GRM7: variants seen among roughly 807,000 people sequenced by gnomAD.
GRM7 encodes the protein glutamate metabotropic receptor 7, also known as metabotropic glutamate receptor 7.
In GRM7, 35 loss-of-function variants were observed where a neutral mutation model predicts 84.5. The ratio of observed to expected loss-of-function variants is 0.41; its 90% confidence interval spans 0.32 to 0.55. The LOEUF (loss-of-function observed/expected upper bound fraction) is 0.55, where lower values mean the gene tolerates loss of function less well. Among genes scored for constraint, GRM7 ranks in the 20% least tolerant of loss-of-function variants. The probability of loss-of-function intolerance (pLI) is 0.19; values close to 1 mark genes in which losing one functional copy is unlikely to be tolerated. For missense variants in GRM7, 1,003 were observed against 1,194.6 expected, an observed-to-expected ratio of 0.84 and a Z score of 2.36; for synonymous variants, 487 against 455.1, an observed-to-expected ratio of 1.07 and a Z score of -0.89.
intron 8 of GRM7, among the ~76,000 whole-genome samples, chr3:7,618,731 A>G: frequency 6.6e-6 from 1 of 152,096 alleles, no homozygotes; most frequent in South Asian, 2.1e-4. Context: ...CTGTCAAGCA[A>G]TTGCTCAATC....
At chr3:7,480,919 C>T (rs1699103760) in intron 7 of GRM7, among the ~76,000 whole-genome samples, 3 of 152,008 alleles carry the variant, frequency 2.0e-5, no homozygotes, top group African/African-American at 4.8e-5. Context: ...CATGGAAAAA[C>T]AAAATATATT....
chr3:7,183,049 A>G (rs1302168555), intron 2 of GRM7, among the ~76,000 whole-genome samples: 4 of 152,138 alleles, frequency 2.6e-5, no homozygotes, highest in Non-Finnish European at 2.9e-5. Context: ...CTGGGCATCA[A>G]AATGAATTAT....
intron 1 of GRM7, among the ~76,000 whole-genome samples, chr3:7,057,733 A>G (rs918562278): frequency 7.2e-5 from 11 of 151,948 alleles, no homozygotes; most frequent in Admixed American, 1.3e-4. Context: ...TGGAGGCTCA[A>G]TGTTTTAGGA....
chr3:7,685,379 G>A (rs1233115175), intron 9 of GRM7, among the ~76,000 whole-genome samples: 5 of 152,084 alleles, frequency 3.3e-5, no homozygotes, highest in Admixed American at 1.3e-4. Context: ...CCCGCAAGCC[G>A]TGCAGAGAAA....
chr3:7,556,491 T>C (rs1160861400), intron 7 of GRM7, among the ~76,000 whole-genome samples: 3 of 152,192 alleles, frequency 2.0e-5, no homozygotes, highest in Non-Finnish European at 4.4e-5. Flanking sequence ...CTATGCTACC[T>C]GCTATGAGGG....
intron 1 of GRM7, among the ~76,000 whole-genome samples, chr3:6,877,175 G>A (rs1695339068): frequency 6.6e-6 from 1 of 152,166 alleles, no homozygotes; most frequent in South Asian, 2.1e-4. Flanking sequence ...CATCATGTTA[G>A]TGAGCTTCTC....
At chr3:7,544,405 C>T (rs565696769) in intron 7 of GRM7, among the ~76,000 whole-genome samples, 1 of 152,242 alleles carries the variant, frequency 6.6e-6, no homozygotes, top group African/African-American at 2.4e-5. Context: ...ATCCTCCCTC[C>T]TCAGCCTCGC....
At chr3:6,872,597 T>A (rs1002428776) in intron 1 of GRM7, among the ~76,000 whole-genome samples, 1 of 152,168 alleles carries the variant, frequency 6.6e-6, no homozygotes, top group Non-Finnish European at 1.5e-5. Context: ...TTTCTCCTAA[T>A]GCTATCCCTC....
chr3:7,692,952 G>A (rs911155900), intron 9 of GRM7, among the ~76,000 whole-genome samples: 1 of 151,864 alleles, frequency 6.6e-6, no homozygotes, highest in African/African-American at 2.4e-5. Context: ...GGCCACTGTG[G>A]AGTGAGATGC....
chr3:7,537,551 C>T (rs1475867581), intron 7 of GRM7, among the ~76,000 whole-genome samples: 2 of 152,188 alleles, frequency 1.3e-5, no homozygotes, highest in Non-Finnish European at 2.9e-5. Flanking sequence ...ACTACTATCC[C>T]AGTCTCAATG....
At position 6,928,667 on chromosome 3, in the gene GRM7, A is replaced by C. The variant is rs1215288862; in HGVS notation, c.519+66760A>C. Among the ~76,000 whole-genome samples the C allele has an allele frequency of 6.6e-6, 1 of 152,190 alleles. No individual in the cohort carries two copies. The highest frequency in any genetic ancestry group is 6.5e-5 in the Admixed American group (1 of 15,278). On this transcript the variant is annotated intron_variant, in intron 1 of 9. Coordinates refer to ENST00000357716, the MANE Select transcript of GRM7 (RefSeq NM_000844.4). This position sits in a 1 kb window ranked among gnomAD's most constrained non-coding sequence, Gnocchi z 4.5. ...CAAACAACTTGATAGAATCAATAGA[A>C]GCTTAGTTAAGCAGGTGATAATCTT...
At chr3:6,981,146 G>A (rs1694182973) in intron 1 of GRM7, among the ~76,000 whole-genome samples, 1 of 152,114 alleles carries the variant, frequency 6.6e-6, no homozygotes, top group African/African-American at 2.4e-5. Flanking sequence ...AACCCTGAAG[G>A]ATATTGAGAC....
In GRM7 at chr3:7,285,291, G is replaced by A. The variant is rs190849851; in HGVS notation, c.737-13393G>A. 9.8e-3 allele frequency among the ~76,000 whole-genome samples: 1,490 copies of A among 152,256 alleles called. 11 individuals carry two copies. Among genetic ancestry groups the A allele is most frequent in the African/African-American group, 0.034 (1,417 of 41,538 alleles). On this transcript the variant is annotated intron_variant, in intron 2 of 9. Transcript: ENST00000357716. Reference sequence around the variant, plus strand: ...TTTAGAATTATTATTATATGATTAAGATAAAAGGCAGATGGCTTTTAGTTA... The same window carrying A: ...TTTAGAATTATTATTATATGATTAAAATAAAAGGCAGATGGCTTTTAGTTA...
chr3:6,892,723 G>A (rs918404159), intron 1 of GRM7: 2 of 152,224 alleles, frequency 1.3e-5, no homozygotes, highest in South Asian at 2.1e-4. Context: ...AGACACCTGA[G>A]GGGTAAACTC....
intron 1 of GRM7, among the ~76,000 whole-genome samples, chr3:6,897,235 C>A (rs987384480): frequency 2.0e-5 from 3 of 152,306 alleles, no homozygotes; most frequent in Admixed American, 6.5e-5. Context: ...GGAAGCAGTA[C>A]TGCTTGTCCT....
intron 9 of GRM7, among the ~76,000 whole-genome samples, chr3:7,687,079 C>T (rs1291900899): frequency 1.0e-5 from 1 of 97,894 alleles, no homozygotes; most frequent in Non-Finnish European, 2.0e-5. Context: ...CTTTGAGAAA[C>T]ACTGAACCAA....
chr3:6,902,655 T>A (rs1696429734), intron 1 of GRM7, among the ~76,000 whole-genome samples: 1 of 152,120 alleles, frequency 6.6e-6, no homozygotes. Flanking sequence ...AACAAAAATA[T>A]ATTATTTCTG....
intron 4 of GRM7, among the ~76,000 whole-genome samples, chr3:7,375,214 CTTTTT>C (rs1553572612): frequency 7.5e-6 from 1 of 132,954 alleles, no homozygotes; most frequent in Non-Finnish European, 1.6e-5. Flanking sequence ...TAAACATCCC[CTTTTT>C]TTTTTTTTTT....
chr3:7,191,740 A>G (rs78944750), intron 2 of GRM7, among the ~76,000 whole-genome samples: 2,299 of 151,642 alleles, frequency 0.015, 58 homozygotes, highest in African/African-American at 0.053. Flanking sequence ...TTACTGATCA[A>G]GGGTAAAGTG....
Sources: allele counts gnomAD v4.1 joint callset (sites outside exome capture counted in the v4.1 genomes callset), GRCh38; gene constraint gnomAD v4.1.1; non-coding constraint Gnocchi (gnomAD v3.1); transcripts MANE v1.5; gene names NCBI Gene and HGNC (gene_info 2026-07-23, HGNC 2026-07-21).